DGKB: variants seen among roughly 807,000 people sequenced by gnomAD.
DGKB encodes the protein 90 kDa diacylglycerol kinase.
Under a neutral mutation model 114.3 loss-of-function variants are expected in DGKB, and 67 were observed. The observed-to-expected ratio is 0.59, with a 90% confidence interval of 0.48 to 0.72. DGKB has a LOEUF of 0.72. Ranked by LOEUF, DGKB falls within the 30% of genes least tolerant of loss-of-function variation. The pLI is 0.00. For synonymous variants in DGKB, 398 were observed against 323.1 expected (o/e 1.23, Z -2.49); for missense variants, 907 against 975.2 (o/e 0.93, Z 0.93).
intron 1 of DGKB, among the ~76,000 whole-genome samples, chr7:14,860,042 G>A (rs971145977): frequency 4.6e-5 from 7 of 151,860 alleles, no homozygotes; most frequent in African/African-American, 1.7e-4. Context: ...AAAACAAAAC[G>A]ACAAAAAGAA....
intron 2 of DGKB, among the ~76,000 whole-genome samples, chr7:14,769,177 A>T (rs571584917): frequency 1.4e-4 from 18 of 127,454 alleles, no homozygotes; most frequent in African/African-American, 6.2e-4. Context: ...GGAAGGAAAG[A>T]GAAAGGAAAG....
At chr7:14,830,397 A>AT (rs373662557) in intron 2 of DGKB, among the ~76,000 whole-genome samples, 1 of 151,602 alleles carries the variant, frequency 6.6e-6, no homozygotes, top group Admixed American at 6.6e-5. Context: ...TTCAAAAAAA[A>AT]TACCATGACT....
chr7:14,689,199 A>ATTTTTCTTTTTTTTTTTTTT (rs1822293110), intron 9 of DGKB, among the ~76,000 whole-genome samples: 1 of 76,566 alleles, frequency 1.3e-5, no homozygotes, highest in Non-Finnish European at 2.6e-5. Context: ...AACTCCTCTT[A>ATTTTTCTTTTTTTTTTTTTT]TTTTTTTTTT....
rs1038873443 is a variant in DGKB, at chr7:14,657,405, T to C, written c.1134+15524A>G. Among the ~76,000 whole-genome samples the C allele has an allele frequency of 5.3e-5, 8 of 151,916 alleles. 1 individual carries two copies. The East Asian group carries it at 1.2e-3, about 22-fold the overall frequency. ...CCTATCATTACTATGATGACAATTA[T>C]GAATTGATCTATAATGAATATTAAT... is the stretch of plus-strand genomic sequence containing the variant. On this transcript the variant is annotated intron_variant, in intron 13 of 25. Transcript: ENST00000402815.
At chr7:14,869,824 T>C (rs958220389) in intron 1 of DGKB, among the ~76,000 whole-genome samples, 7 of 152,204 alleles carry the variant, frequency 4.6e-5, no homozygotes, top group African/African-American at 1.7e-4. Context: ...CCAGTCAGTA[T>C]TGATGGGTTA....
intron 23 of DGKB, among the ~76,000 whole-genome samples, chr7:14,306,319 T>G: frequency 6.6e-6 from 1 of 151,894 alleles, no homozygotes. Context: ...AGGAACAAAA[T>G]AAAAAAACAT....
chr7:14,581,473 G>A (rs1269683326), intron 18 of DGKB, among the ~76,000 whole-genome samples: 1 of 152,154 alleles, frequency 6.6e-6, no homozygotes, highest in African/African-American at 2.4e-5. Flanking sequence ...CTTTGTGTCA[G>A]AGCAAATGGA....
intron 23 of DGKB, among the ~76,000 whole-genome samples, chr7:14,291,033 T>G (rs1425840652): frequency 1.3e-5 from 2 of 150,192 alleles, no homozygotes; most frequent in Non-Finnish European, 2.9e-5. Flanking sequence ...TCCCAGCTAC[T>G]TGGGAGGCTG....
intron 23 of DGKB, among the ~76,000 whole-genome samples, chr7:14,217,697 T>G (rs765314735): frequency 6.6e-6 from 1 of 151,978 alleles, no homozygotes; most frequent in Non-Finnish European, 1.5e-5. Flanking sequence ...CGTCCACATA[T>G]AGACCTGTAT....
chr7:14,426,576 T>A (rs917242872), intron 21 of DGKB, among the ~76,000 whole-genome samples: 9 of 152,154 alleles, frequency 5.9e-5, no homozygotes, highest in African/African-American at 2.2e-4. Context: ...GCTACCTATT[T>A]GCCTACTGGG....
chr7:14,368,573 C>CTGTGTGTGTGTGTGTG (rs3069084), intron 21 of DGKB, among the ~76,000 whole-genome samples: 41 of 148,726 alleles, frequency 2.8e-4, no homozygotes, highest in Admixed American at 7.4e-4. Context: ...GGTATTTTCT[C>CTGTGTGTGTGTGTGTG]TGTGTGTGTG....
intron 21 of DGKB, among the ~76,000 whole-genome samples, chr7:14,467,831 A>C (rs1437241616): frequency 2.6e-5 from 4 of 152,288 alleles, no homozygotes; most frequent in Admixed American, 2.6e-4. Flanking sequence ...GGATATAATT[A>C]GTTCCAATTA....
At chr7:14,651,451 C>A (rs1290186657) in intron 13 of DGKB, among the ~76,000 whole-genome samples, 1 of 147,126 alleles carries the variant, frequency 6.8e-6, no homozygotes, top group Admixed American at 7.0e-5. Context: ...TTCAACAACC[C>A]TTCATGCTAA....
At chr7:14,419,220 AAAAAG>A (rs1194058646) in intron 21 of DGKB, among the ~76,000 whole-genome samples, 1 of 152,026 alleles carries the variant, frequency 6.6e-6, no homozygotes, top group African/African-American at 2.4e-5. Flanking sequence ...ATACTATGGG[AAAAAG>A]AAAAGGAGTG....
chr7:14,720,304 A>G (rs762798046), intron 5 of DGKB, among the ~76,000 whole-genome samples: 1 of 151,524 alleles, frequency 6.6e-6, no homozygotes, highest in Non-Finnish European at 1.5e-5. Flanking sequence ...TTTATTTTTA[A>G]TTTTTTTTAT....
At chr7:14,773,131 A>G (rs564227576) in intron 2 of DGKB, among the ~76,000 whole-genome samples, 53 of 152,334 alleles carry the variant, frequency 3.5e-4, no homozygotes, top group Admixed American at 1.2e-3. Flanking sequence ...AGACAGCATC[A>G]TTGTATATAG....
intron 21 of DGKB, among the ~76,000 whole-genome samples, chr7:14,368,219 A>G (rs756988963): frequency 9.9e-5 from 15 of 151,848 alleles, no homozygotes; most frequent in Non-Finnish European, 1.8e-4. Flanking sequence ...CTACACTGAC[A>G]CATAATTATC....
intron 9 of DGKB, among the ~76,000 whole-genome samples, chr7:14,686,627 A>G (rs1821731701): frequency 6.6e-6 from 1 of 152,198 alleles, no homozygotes; most frequent in Non-Finnish European, 1.5e-5. Context: ...AATATTAATA[A>G]TAATGCTCCT....
At chr7:14,596,921 T>A (rs1337206811) in intron 17 of DGKB, among the ~76,000 whole-genome samples, 6 of 152,174 alleles carry the variant, frequency 3.9e-5, no homozygotes, top group Non-Finnish European at 8.8e-5. Flanking sequence ...AAAACTCAAA[T>A]GAGAAAGGCA....
Sources: gnomAD v4.1 joint callset for allele counts (sites outside exome capture counted in the v4.1 genomes callset) on GRCh38, gnomAD v4.1.1 for gene constraint, MANE v1.5 for transcripts, NCBI Gene and HGNC (gene_info 2026-07-23, HGNC 2026-07-21) for gene names.